The following SOX5 variants were observed in gnomAD, a reference collection of about 807,000 sequenced individuals.
The protein encoded by SOX5 is transcription factor SOX-5.
A neutral mutation model predicts 92.0 loss-of-function variants in SOX5; 9 were observed. That is an observed-to-expected ratio of 0.10 (90% CI 0.06 to 0.17). SOX5 has a LOEUF of 0.17. SOX5 is among the 10% of genes least tolerant of loss of function. The probability of loss-of-function intolerance (pLI) is 1.00; values close to 1 mark genes in which losing one functional copy is unlikely to be tolerated. For missense variants in SOX5, 642 were observed against 944.5 expected (o/e 0.68, Z 4.20); for synonymous variants, 344 against 336.3 (o/e 1.02, Z -0.25).
At chr12:24,330,033 A>C (rs1289259830) in intron 2 of SOX5, among the ~76,000 whole-genome samples, 1 of 152,210 alleles carries the variant, frequency 6.6e-6, no homozygotes, top group Admixed American at 6.5e-5. Context: ...AAAACAAACA[A>C]ACAAAAAGTA....
intron 1 of SOX5, among the ~76,000 whole-genome samples, chr12:23,928,481 T>C (rs1215162738): frequency 1.3e-5 from 2 of 152,112 alleles, no homozygotes; most frequent in East Asian, 3.9e-4. Flanking sequence ...GACGTATGAA[T>C]TTCTAAGCAT....
chr12:24,264,076 T>C (rs1157593645), intron 3 of SOX5, among the ~76,000 whole-genome samples: 1 of 152,194 alleles, frequency 6.6e-6, no homozygotes, highest in Non-Finnish European at 1.5e-5. Context: ...ACTTTTTTCT[T>C]TTTACTTTTA....
Position 24,098,021 on chromosome 12 carries a change from A to G in SOX5, c.-2+115322T>C, listed in dbSNP as rs538338718. Among the ~76,000 whole-genome samples the G allele has an allele frequency of 1.1e-3, 160 of 152,224 alleles. 1 individual carries two copies. The highest frequency in any genetic ancestry group is 3.7e-3 in the African/African-American group (153 of 41,542). On this transcript the variant is annotated intron_variant, in intron 4 of 4. Coordinates refer to the SOX5 transcript ENST00000446891. Reference sequence around the variant, plus strand: ...TCTTCCACGGTTTCCTACTTTACCAACTTATTTCATTATTTTCCTTTTACT... The same window carrying G: ...TCTTCCACGGTTTCCTACTTTACCAGCTTATTTCATTATTTTCCTTTTACT...
At chr12:24,354,054 TAA>T (rs79323054) in intron 2 of SOX5, among the ~76,000 whole-genome samples, 3,216 of 152,360 alleles carry the variant, frequency 0.021, 54 homozygotes, top group Non-Finnish European at 0.034. Flanking sequence ...ACCAAGTTTA[TAA>T]GTCTTATAGA....
At chr12:24,281,104 A>G (rs1945137228) in intron 2 of SOX5, among the ~76,000 whole-genome samples, 1 of 151,918 alleles carries the variant, frequency 6.6e-6, no homozygotes, top group South Asian at 2.1e-4. Flanking sequence ...TACAAATAGA[A>G]AAGAGAATAA....
intron 6 of SOX5, among the ~76,000 whole-genome samples, chr12:23,720,969 G>T (rs1222678168): frequency 6.6e-6 from 1 of 152,156 alleles, no homozygotes; most frequent in Admixed American, 6.5e-5. Context: ...ATTAGTTATA[G>T]GACTTGGGGA....
intron 1 of SOX5, among the ~76,000 whole-genome samples, chr12:24,537,846 C>T (rs1333393727): frequency 6.6e-6 from 1 of 152,168 alleles, no homozygotes; most frequent in African/African-American, 2.4e-5. Context: ...GTTGCTTTTG[C>T]CATAGCTTCC....
chr12:24,202,942 T>C (rs1383697257), intron 4 of SOX5, among the ~76,000 whole-genome samples: 1 of 152,192 alleles, frequency 6.6e-6, no homozygotes, highest in Non-Finnish European at 1.5e-5. Flanking sequence ...GATATGTTGA[T>C]ACTCTGTAAA....
At chr12:23,767,241 C>G (rs1259914212) in intron 3 of SOX5, among the ~76,000 whole-genome samples, 3 of 141,824 alleles carry the variant, frequency 2.1e-5, no homozygotes, top group African/African-American at 7.4e-5. Context: ...CACACACACA[C>G]ACACACATAT....
chr12:23,740,667 G>A (rs2093762906), intron 5 of SOX5, among the ~76,000 whole-genome samples, 200 bp downstream of exon 5: 1 of 152,282 alleles, frequency 6.6e-6, no homozygotes, highest in Middle Eastern at 3.4e-3. Context: ...TACCACCAAA[G>A]TAGTTAATAA....
chr12:23,878,913 C>T (rs1403757348), intron 2 of SOX5, among the ~76,000 whole-genome samples: 1 of 152,080 alleles, frequency 6.6e-6, no homozygotes, highest in African/African-American at 2.4e-5. Context: ...GTGTCTGTGT[C>T]TGCCTGCCCC....
intron 4 of SOX5, among the ~76,000 whole-genome samples, chr12:24,170,511 T>C (rs891962706): frequency 6.6e-6 from 1 of 152,212 alleles, no homozygotes; most frequent in Non-Finnish European, 1.5e-5. Context: ...AAATGTGCCC[T>C]TAGGACCTCT....
At chr12:23,916,224 TG>T (rs1555425551) in intron 1 of SOX5, among the ~76,000 whole-genome samples, 1 of 152,226 alleles carries the variant, frequency 6.6e-6, no homozygotes, top group Non-Finnish European at 1.5e-5. Flanking sequence ...AAAATGACCA[TG>T]TTGTTCATCT....
At chr12:24,490,094 G>A (rs773223113) in intron 1 of SOX5, among the ~76,000 whole-genome samples, 1 of 152,166 alleles carries the variant, frequency 6.6e-6, no homozygotes, top group Non-Finnish European at 1.5e-5. Context: ...TACATTCAGC[G>A]CACTGCTTTG....
chr12:23,958,399 G>C (rs1014404882), intron 4 of SOX5, among the ~76,000 whole-genome samples: 8 of 151,906 alleles, frequency 5.3e-5, no homozygotes, highest in African/African-American at 1.9e-4. Context: ...TTTTTTCATG[G>C]AATTATGACC....
At chr12:24,324,498 T>TA (rs1013667942) in intron 2 of SOX5, among the ~76,000 whole-genome samples, 13 of 151,908 alleles carry the variant, frequency 8.6e-5, no homozygotes, top group South Asian at 4.2e-4. Context: ...TTTTTTTTTT[T>TA]AAACAAAGAA....
intron 2 of SOX5, among the ~76,000 whole-genome samples, chr12:24,356,788 A>G (rs868735368): frequency 1.4e-4 from 21 of 152,202 alleles, no homozygotes; most frequent in African/African-American, 4.3e-4. Context: ...CCATTTTTAA[A>G]AAAACCTCTG....
At chr12:23,767,027 T>C (rs993208407) in intron 3 of SOX5, among the ~76,000 whole-genome samples, 2 of 151,906 alleles carry the variant, frequency 1.3e-5, no homozygotes, top group Admixed American at 1.3e-4. Context: ...CTGGGCAAAA[T>C]TGAGAGACCT....
At chr12:24,499,601 G>A (rs1397401566) in intron 1 of SOX5, among the ~76,000 whole-genome samples, 1 of 152,190 alleles carries the variant, frequency 6.6e-6, no homozygotes, top group Non-Finnish European at 1.5e-5. Flanking sequence ...AATGCTCTGG[G>A]CATTGGGGAA....
Sources: gnomAD v4.1 joint callset for allele counts (sites outside exome capture counted in the v4.1 genomes callset) on GRCh38, gnomAD v4.1.1 for gene constraint, MANE v1.5 for transcripts, NCBI Gene and HGNC (gene_info 2026-07-23, HGNC 2026-07-21) for gene names.